SLC24A3: variants seen among roughly 807,000 people sequenced by gnomAD.
SLC24A3 encodes the protein sodium/potassium/calcium exchanger 3.
A neutral mutation model predicts 75.8 loss-of-function variants in SLC24A3; 28 were observed. That is an observed-to-expected ratio of 0.37 (90% CI 0.27 to 0.51). SLC24A3 has a LOEUF of 0.51. Ranked by LOEUF, SLC24A3 falls within the 20% of genes least tolerant of loss-of-function variation. SLC24A3 has a pLI of 0.94. For missense variants in SLC24A3, 663 were observed against 847.8 expected, an observed-to-expected ratio of 0.78 and a Z score of 2.71; for synonymous variants, 372 against 334.1, an observed-to-expected ratio of 1.11 and a Z score of -1.24.
At chr20:19,480,502 CACTATTGCAGAA>C (rs1343477876) in intron 2 of SLC24A3, among the ~76,000 whole-genome samples, 7 of 152,178 alleles carry the variant, frequency 4.6e-5, no homozygotes, top group African/African-American at 7.2e-5. Context: ...GTTTGAGGTG[CACTATTGCAGAA>C]ACTAGTTGGG....
At chr20:19,298,264 A>T (rs1984107280) in intron 2 of SLC24A3, among the ~76,000 whole-genome samples, 1 of 152,264 alleles carries the variant, frequency 6.6e-6, no homozygotes, top group African/African-American at 2.4e-5. Context: ...TGGAAGGAAT[A>T]CGATCGTCAT....
chr20:19,576,532 C>T (rs1248597101), intron 3 of SLC24A3, among the ~76,000 whole-genome samples: 2 of 152,186 alleles, frequency 1.3e-5, no homozygotes, highest in East Asian at 3.9e-4. Flanking sequence ...CCTCGCAGGC[C>T]TCTCTGGGTG....
At chr20:19,477,580 T>A (rs1382131163) in intron 2 of SLC24A3, among the ~76,000 whole-genome samples, 1 of 152,186 alleles carries the variant, frequency 6.6e-6, no homozygotes, top group Non-Finnish European at 1.5e-5. Flanking sequence ...CATCCAGAGT[T>A]CAGCATCACA....
At chr20:19,245,538 G>A (rs922576406) in intron 1 of SLC24A3, among the ~76,000 whole-genome samples, 1 of 152,050 alleles carries the variant, frequency 6.6e-6, no homozygotes, top group Non-Finnish European at 1.5e-5. Flanking sequence ...AAACGTTTGT[G>A]TTAAAATTTA....
At chr20:19,296,495 T>C (rs906442585) in intron 2 of SLC24A3, among the ~76,000 whole-genome samples, 1 of 152,104 alleles carries the variant, frequency 6.6e-6, no homozygotes, top group African/African-American at 2.4e-5. Flanking sequence ...TAGTGTTATA[T>C]ATTTCCCTCT....
chr20:19,480,232 G>T (rs1329474290), intron 2 of SLC24A3, among the ~76,000 whole-genome samples: 3 of 152,184 alleles, frequency 2.0e-5, no homozygotes, highest in African/African-American at 7.2e-5. Context: ...CAGAGCACTT[G>T]GGTGCCTGGC....
At chr20:19,263,673 T>C (rs1490179966) in intron 1 of SLC24A3, among the ~76,000 whole-genome samples, 1 of 152,224 alleles carries the variant, frequency 6.6e-6, no homozygotes, top group Non-Finnish European at 1.5e-5. Context: ...TCTCAGACTC[T>C]GGGCTGAAAC....
chr20:19,226,255 C>G (rs1438405312), intron 1 of SLC24A3, among the ~76,000 whole-genome samples: 1 of 152,118 alleles, frequency 6.6e-6, no homozygotes, highest in Non-Finnish European at 1.5e-5. Flanking sequence ...GCCTTGCATA[C>G]CCTGTATAAG....
intron 2 of SLC24A3, among the ~76,000 whole-genome samples, chr20:19,356,764 TC>T (rs1328727783): frequency 1.3e-5 from 2 of 152,132 alleles, no homozygotes; most frequent in East Asian, 1.9e-4. Flanking sequence ...GCATGTTTCT[TC>T]CGATAGATTT....
chr20:19,246,376 G>A (rs1023034969), intron 1 of SLC24A3, among the ~76,000 whole-genome samples: 2 of 152,076 alleles, frequency 1.3e-5, no homozygotes, highest in Non-Finnish European at 2.9e-5. Flanking sequence ...CTCAAGTTTT[G>A]TTCATTATGA....
chr20:19,317,529 A>G (rs1348238251), intron 2 of SLC24A3, among the ~76,000 whole-genome samples: 3 of 152,240 alleles, frequency 2.0e-5, no homozygotes, highest in Non-Finnish European at 4.4e-5. Context: ...AGCCAGGCCC[A>G]TGGGCCATGC....
At chr20:19,469,496 A>G (rs1359189329) in intron 2 of SLC24A3, among the ~76,000 whole-genome samples, 1 of 152,150 alleles carries the variant, frequency 6.6e-6, no homozygotes, top group Non-Finnish European at 1.5e-5. Context: ...CACAGTGCTA[A>G]GCAGGGAGCA....
intron 3 of SLC24A3, among the ~76,000 whole-genome samples, chr20:19,565,402 T>A (rs1393081201): frequency 5.7e-5 from 5 of 87,206 alleles, no homozygotes; most frequent in African/African-American, 1.6e-4. Flanking sequence ...ATTTGTGTTC[T>A]CGGGGGGTGG....
chr20:19,689,359 C>A (rs1474265519), intron 12 of SLC24A3, among the ~76,000 whole-genome samples: 1 of 152,160 alleles, frequency 6.6e-6, no homozygotes, highest in Non-Finnish European at 1.5e-5. Flanking sequence ...GAAACAAATC[C>A]TTTTGCTTGT....
intron 1 of SLC24A3, among the ~76,000 whole-genome samples, chr20:19,275,156 C>T (rs879152): frequency 5.3e-5 from 8 of 152,088 alleles, no homozygotes; most frequent in East Asian, 1.9e-4. Flanking sequence ...AGAGTTAATA[C>T]GTCCTCTCAA....
At chr20:19,294,124 T>C (rs1352503320) in intron 2 of SLC24A3, among the ~76,000 whole-genome samples, 2 of 152,202 alleles carry the variant, frequency 1.3e-5, no homozygotes, top group Admixed American at 6.5e-5. Flanking sequence ...GTGGCAAATT[T>C]AAGTTTTGCT....
intron 2 of SLC24A3, among the ~76,000 whole-genome samples, chr20:19,360,330 C>T (rs2122338903): frequency 6.6e-6 from 1 of 152,342 alleles, no homozygotes; most frequent in South Asian, 2.1e-4. Flanking sequence ...CTTCAAATGC[C>T]TCCACATCTG....
intron 2 of SLC24A3, among the ~76,000 whole-genome samples, chr20:19,388,008 T>A (rs1046350304): frequency 1.3e-5 from 2 of 152,194 alleles, no homozygotes; most frequent in Non-Finnish European, 2.9e-5. Context: ...GTACAAGAGA[T>A]GTTTTGATAC....
chr20:19,430,828 A>T (rs1987089232), intron 2 of SLC24A3, among the ~76,000 whole-genome samples: 1 of 152,138 alleles, frequency 6.6e-6, no homozygotes, highest in Non-Finnish European at 1.5e-5. Flanking sequence ...ACGTGCACAC[A>T]CATGCAGGTA....
Sources: gnomAD v4.1 joint callset for allele counts (sites outside exome capture counted in the v4.1 genomes callset) on GRCh38, gnomAD v4.1.1 for gene constraint, MANE v1.5 for transcripts, NCBI Gene and HGNC (gene_info 2026-07-23, HGNC 2026-07-21) for gene names.